The following ADGRL3 variants were observed in gnomAD, a reference collection of about 807,000 sequenced individuals.
ADGRL3 encodes the protein calcium-independent alpha-latrotoxin receptor 3.
Under a neutral mutation model 153.5 loss-of-function variants are expected in ADGRL3, and 62 were observed. That is an observed-to-expected ratio of 0.40 (90% CI 0.33 to 0.50). The LOEUF (loss-of-function observed/expected upper bound fraction) is 0.50. ADGRL3 is among the 20% of genes least tolerant of loss of function. The pLI is 0.47. For missense variants in ADGRL3, 1,641 were observed against 1,859.4 expected, an observed-to-expected ratio of 0.88 and a Z score of 2.16; for synonymous variants, 710 against 672.5, an observed-to-expected ratio of 1.06 and a Z score of -0.86.
intron 21 of ADGRL3, among the ~76,000 whole-genome samples, chr4:62,026,074 A>G (rs901424198): frequency 7.2e-5 from 11 of 152,136 alleles, no homozygotes; most frequent in African/African-American, 2.7e-4. Context: ...ATCTTTAGTG[A>G]TCTTTAGATT....
intron 4 of ADGRL3, among the ~76,000 whole-genome samples, chr4:61,578,533 A>G (rs977828188): frequency 1.3e-5 from 2 of 152,006 alleles, no homozygotes; most frequent in African/African-American, 2.4e-5. Flanking sequence ...ATGTCATTAT[A>G]TTATATCATA....
chr4:61,792,236 A>G (rs975852515), intron 8 of ADGRL3, among the ~76,000 whole-genome samples: 35 of 150,664 alleles, frequency 2.3e-4, no homozygotes, highest in Admixed American at 3.3e-4. Flanking sequence ...TTCTTCTTCC[A>G]GGTGCCCTAA....
At chr4:61,387,171 G>GT (rs1218995414) in intron 2 of ADGRL3, among the ~76,000 whole-genome samples, 4 of 152,148 alleles carry the variant, frequency 2.6e-5, no homozygotes, top group Non-Finnish European at 5.9e-5. Context: ...AAACCAGCAA[G>GT]TTTTTATTAG....
At chr4:61,423,405 G>A (rs1229583160) in intron 2 of ADGRL3, among the ~76,000 whole-genome samples, 1 of 152,216 alleles carries the variant, frequency 6.6e-6, no homozygotes, top group Non-Finnish European at 1.5e-5. Flanking sequence ...ATCCAGTGTG[G>A]ATAGGATTAA....
At chr4:61,778,132 A>G (rs1278266501) in intron 8 of ADGRL3, among the ~76,000 whole-genome samples, 1 of 152,248 alleles carries the variant, frequency 6.6e-6, no homozygotes, top group Non-Finnish European at 1.5e-5. Flanking sequence ...CAAAATTGTT[A>G]AGTACATTGT....
rs1491302780 is a variant in ADGRL3, at chr4:61,711,458, T to TTTTATA, written c.584-19163_584-19162insTTATAT. On this transcript the variant is annotated intron_variant, in intron 6 of 26. Transcript: ENST00000683033. ...ATACTATCTTAAAACATATGCTTCA[T>TTTTATA]TATATATATATATATATATATATAT... Among the ~76,000 whole-genome samples the TTTTATA allele has an allele frequency of 3.1e-3, 107 of 34,616 alleles. 4 individuals are homozygous for TTTTATA. The highest frequency in any genetic ancestry group is 7.2e-3 in the Admixed American group (13 of 1,812). The allele number at this position is 34,616 out of a possible 152,430, so 22.7% of individuals were successfully genotyped here.
intron 2 of ADGRL3, among the ~76,000 whole-genome samples, chr4:61,457,492 T>G (rs1358755579): frequency 6.6e-6 from 1 of 151,960 alleles, no homozygotes; most frequent in African/African-American, 2.4e-5. Flanking sequence ...CATGTAACAG[T>G]TATGTTCTGC....
chr4:61,726,800 A>G (rs577960520), intron 6 of ADGRL3, among the ~76,000 whole-genome samples: 31 of 152,212 alleles, frequency 2.0e-4, no homozygotes, highest in Admixed American at 1.6e-3. Context: ...TATGTCCCCT[A>G]TAAGTGTCTT....
chr4:61,525,999 C>T (rs764820384), intron 4 of ADGRL3, among the ~76,000 whole-genome samples: 86 of 152,028 alleles, frequency 5.7e-4, no homozygotes, highest in Non-Finnish European at 8.7e-4. Context: ...ATGAGATTGC[C>T]GAAGCAGGGG....
intron 1 of ADGRL3, among the ~76,000 whole-genome samples, chr4:61,216,165 G>A (rs866221351): frequency 1.2e-4 from 18 of 152,094 alleles, no homozygotes; most frequent in African/African-American, 4.3e-4. Context: ...TGTGGTAATA[G>A]CATATTTTAA....
chr4:61,444,328 T>A (rs1381561812), intron 2 of ADGRL3, among the ~76,000 whole-genome samples: 1 of 152,120 alleles, frequency 6.6e-6, no homozygotes, highest in African/African-American at 2.4e-5. Context: ...TTGCCAAACT[T>A]TTGGACTTGC....
rs1373318176 is a variant in ADGRL3 at position 61,734,338 on chromosome 4, C to T, written c.1399+784C>T. On this transcript the variant is annotated intron_variant, in intron 8 of 26. Transcript: ENST00000683033. ...TGTGTTATGTTAGTCCATTCTCACA[C>T]TGCTGTAAAGATATAAACAAGACTG... is the stretch of plus-strand genomic sequence containing the variant. Among the ~76,000 whole-genome samples, 5 of 151,966 alleles carry T rather than the reference C, an allele frequency of 3.3e-5. No homozygotes were observed. The East Asian group carries it at 7.7e-4, about 23-fold the overall frequency.
intron 6 of ADGRL3, among the ~76,000 whole-genome samples, chr4:61,713,425 G>A (rs1013555273): frequency 2.0e-5 from 3 of 151,842 alleles, no homozygotes; most frequent in Non-Finnish European, 4.4e-5. Context: ...TTTAAATTGC[G>A]TATAAACATT....
At chr4:61,245,580 TG>T (rs1172870537) in intron 1 of ADGRL3, among the ~76,000 whole-genome samples, 1 of 152,096 alleles carries the variant, frequency 6.6e-6, no homozygotes, top group Non-Finnish European at 1.5e-5. Context: ...GCCATGTCCT[TG>T]CCTCATTAAT....
At chr4:61,444,245 C>T (rs974284909) in intron 2 of ADGRL3, among the ~76,000 whole-genome samples, 1 of 152,096 alleles carries the variant, frequency 6.6e-6, no homozygotes, top group Non-Finnish European at 1.5e-5. Flanking sequence ...AAGATTGGAG[C>T]TTTGCCTGTG....
chr4:61,338,393 C>CTGTGTGTG (rs4038726), intron 1 of ADGRL3, among the ~76,000 whole-genome samples: 271 of 149,980 alleles, frequency 1.8e-3, no homozygotes, highest in African/African-American at 5.5e-3. Flanking sequence ...CAGTGTGTGT[C>CTGTGTGTG]TGTGTGTGTG....
chr4:61,361,620 A>T (rs1043803100), intron 1 of ADGRL3, among the ~76,000 whole-genome samples: 2 of 152,174 alleles, frequency 1.3e-5, no homozygotes, highest in Admixed American at 1.3e-4. Flanking sequence ...TAGATGAGTC[A>T]CTGTAGGCAA....
At chr4:61,793,306 C>A (rs1202610823) in intron 8 of ADGRL3, among the ~76,000 whole-genome samples, 2 of 152,044 alleles carry the variant, frequency 1.3e-5, no homozygotes, top group Non-Finnish European at 2.9e-5. Context: ...CGCCTGTAGT[C>A]CCAGCTATTC....
intron 1 of ADGRL3, among the ~76,000 whole-genome samples, chr4:61,252,798 A>G (rs2091579714): frequency 1.3e-5 from 2 of 152,040 alleles, no homozygotes; most frequent in African/African-American, 4.8e-5. Context: ...AAATATATTT[A>G]CATCTAAATG....
Sources: gnomAD v4.1 joint callset for allele counts (sites outside exome capture counted in the v4.1 genomes callset) on GRCh38, gnomAD v4.1.1 for gene constraint, MANE v1.5 for transcripts, NCBI Gene and HGNC (gene_info 2026-07-23, HGNC 2026-07-21) for gene names.